Variants in FXYD6 observed in about 807,000 individuals in gnomAD.
FXYD6 encodes FXYD domain-containing ion transport regulator 6.
Under a neutral mutation model 16.7 loss-of-function variants are expected in FXYD6, and 7 were observed. That is an observed-to-expected ratio of 0.42 (90% CI 0.24 to 0.79). FXYD6 has a LOEUF of 0.79. Ranked by LOEUF, FXYD6 falls within the 30% of genes least tolerant of loss-of-function variation. FXYD6 has a pLI of 0.28. For missense variants in FXYD6, 111 were observed against 116.2 expected (o/e 0.95, Z 0.21); for synonymous variants, 49 against 43.0 (o/e 1.14, Z -0.54).
intron 1 of FXYD6, among the ~76,000 whole-genome samples, chr11:117,859,102 T>C (rs942327135): frequency 6.9e-6 from 1 of 145,506 alleles, no homozygotes; most frequent in Non-Finnish European, 1.5e-5. Context: ...CAACCCCTTC[T>C]GGGAGGCTGC....
At chr11:117,858,651 CTT>C (rs1293019621) in intron 1 of FXYD6, among the ~76,000 whole-genome samples, 1 of 70,420 alleles carries the variant, frequency 1.4e-5, no homozygotes, top group Non-Finnish European at 2.6e-5. Flanking sequence ...TTCTTTCTTT[CTT>C]TCTTTCTTTC....
Position 117,872,788 on chromosome 11 carries a change from C to A in FXYD6, c.-6+3804G>T, listed in dbSNP as rs2057168136. Among the ~76,000 whole-genome samples, 1 of 152,180 alleles carries A rather than the reference C, an allele frequency of 6.6e-6. No homozygotes were observed. Among genetic ancestry groups the A allele is most frequent in the South Asian group, 2.1e-4 (1 of 4,834 alleles). ...GCTTCATCCCTTCCCAGGTCGGGAC[C>A]TCTCCCTCCCCGGATTCTGGAGCAG... On this transcript the variant is annotated intron_variant, in intron 1 of 7. Transcript: ENST00000526014. This position sits in a 1 kb window ranked among gnomAD's most constrained non-coding sequence, Gnocchi z 4.9.
In FXYD6 at chr11:117,837,585, C is replaced by T. The variant is rs141465687; in HGVS notation, c.*714G>A. On this transcript the variant is annotated 3_prime_UTR_variant, in exon 8 of 8. Transcript: ENST00000526014. The surrounding 1 kb of genome is among the most constrained non-coding windows in gnomAD (Gnocchi z 4.4). Reference sequence around the variant, plus strand: ...AGGGGCGGGGCAGATGGGGACTCCTCGTGGAAGCCCCTGGGAAGAAATTAA... The same window carrying T: ...AGGGGCGGGGCAGATGGGGACTCCTTGTGGAAGCCCCTGGGAAGAAATTAA... 2.0e-5 allele frequency: 3 copies of T among 152,998 alleles called. No individual in the cohort carries two copies. The highest frequency in any genetic ancestry group is 4.8e-5 in the African/African-American group (2 of 41,540). 9.5% of individuals were successfully genotyped at this position (152,998 alleles called of 1,614,324 possible). A position where few individuals can be genotyped will look rare whatever the true frequency, so the allele number is the denominator to read the frequency against.
At chr11:117,846,828 C>G (rs1218392176) in intron 1 of FXYD6, among the ~76,000 whole-genome samples, 1 of 152,136 alleles carries the variant, frequency 6.6e-6, no homozygotes, top group East Asian at 1.9e-4. Flanking sequence ...TTCTCCTCTT[C>G]CCTCTCCTCC....
At chr11:117,875,439 G>A (rs2057236771) in intron 1 of FXYD6, among the ~76,000 whole-genome samples, 1 of 152,046 alleles carries the variant, frequency 6.6e-6, no homozygotes, top group Admixed American at 6.6e-5. Flanking sequence ...GAGGAGATAT[G>A]GAGGTGAGGA....
At chr11:117,876,049 G>T (rs2057256361) in intron 1 of FXYD6, among the ~76,000 whole-genome samples, 1 of 152,136 alleles carries the variant, frequency 6.6e-6, no homozygotes, top group African/African-American at 2.4e-5. Flanking sequence ...GAATCCCCGA[G>T]CGCTAGAATC....
chr11:117,857,697 A>G (rs2056766407), intron 1 of FXYD6, among the ~76,000 whole-genome samples: 1 of 152,076 alleles, frequency 6.6e-6, no homozygotes, highest in South Asian at 2.1e-4. Context: ...ATGAGCCACC[A>G]CACCCGGCCC....
intron 1 of FXYD6, among the ~76,000 whole-genome samples, chr11:117,863,646 G>C (rs1023872784): frequency 6.6e-6 from 1 of 152,136 alleles, no homozygotes; most frequent in African/African-American, 2.4e-5. Context: ...TAAGTAAAAG[G>C]CATCCAAATT....
intron 1 of FXYD6, among the ~76,000 whole-genome samples, chr11:117,860,124 G>A (rs562605020): frequency 2.0e-5 from 3 of 152,330 alleles, no homozygotes; most frequent in Admixed American, 6.5e-5. Flanking sequence ...GCCCTGCTCT[G>A]TCTGCCTGGC....
At chr11:117,846,249 G>A (rs947504085) in intron 1 of FXYD6, among the ~76,000 whole-genome samples, 6 of 152,194 alleles carry the variant, frequency 3.9e-5, no homozygotes, top group East Asian at 3.9e-4. Context: ...TTTTCATGCC[G>A]TTTGCCCGTT....
intron 1 of FXYD6, among the ~76,000 whole-genome samples, chr11:117,852,065 T>C (rs1247800867): frequency 6.6e-6 from 1 of 152,244 alleles, no homozygotes; most frequent in African/African-American, 2.4e-5. Flanking sequence ...GGGAAGCCTC[T>C]AGCAGCTGAC....
Position 117,838,505 on chromosome 11 carries a change from G to A in FXYD6, c.*22-228C>T. On this transcript the variant is annotated intron_variant, in intron 7 of 7. Coordinates refer to ENST00000526014, the MANE Select transcript of FXYD6 (RefSeq NM_022003.4). ...ATGGAAAGGAAATTGTTAAACCCAG[G>A]ACCTCCCCAGTGGTTGCTCACAGTC... 3.1e-5 allele frequency: 18 copies of A among 589,194 alleles called. No homozygotes were observed. The South Asian group carries it at 3.6e-4, about 12-fold the overall frequency. The allele number at this position is 589,194 out of a possible 1,614,324, so 36.5% of individuals were successfully genotyped here.
intron 1 of FXYD6, among the ~76,000 whole-genome samples, chr11:117,854,990 T>C (rs989091430): frequency 2.0e-5 from 3 of 152,190 alleles, no homozygotes; most frequent in African/African-American, 7.2e-5. Flanking sequence ...CCACCAGTAA[T>C]GTCTGCTTAG....
rs377481885 is a variant in FXYD6, at chr11:117,874,571, C to T, written c.-6+2021G>A. Among the ~76,000 whole-genome samples, 542 of 152,340 alleles carry T rather than the reference C, an allele frequency of 3.6e-3. 1 individual carries two copies. Among genetic ancestry groups the T allele is most frequent in the Middle Eastern group, 0.01 (3 of 294 alleles). On this transcript the variant is annotated intron_variant, in intron 1 of 7. Transcript: ENST00000526014. Reference sequence around the variant, plus strand: ...TTTCTGGTTTCCCTCCCCTTCCTGCCTCCCTGGCCTGGCCTCCTTGGCTTT... The same window carrying T: ...TTTCTGGTTTCCCTCCCCTTCCTGCTTCCCTGGCCTGGCCTCCTTGGCTTT...
chr11:117,856,759 G>A (rs182869715), intron 1 of FXYD6, among the ~76,000 whole-genome samples: 20 of 152,320 alleles, frequency 1.3e-4, no homozygotes, highest in African/African-American at 3.8e-4. Flanking sequence ...GATGGAGTTA[G>A]CATCACAGAA....
rs950738684 is a variant in FXYD6, at chr11:117,847,584, A to G, written c.-5-4803T>C. Among the ~76,000 whole-genome samples, 10 of 139,714 alleles carry G rather than the reference A, an allele frequency of 7.2e-5. No individual in the cohort carries two copies. In the Admixed American group the frequency reaches 8.2e-4, roughly 11 times the overall value. The allele number at this position is 139,714 out of a possible 152,430, so 91.7% of individuals were successfully genotyped here. On this transcript the variant is annotated intron_variant, in intron 1 of 7. Coordinates refer to ENST00000526014, the MANE Select transcript of FXYD6 (RefSeq NM_022003.4). ...TGTGTCCATGTGTTCTCATTGTTCA[A>G]TTCCCACCTATGAGTGAGAACATGC...
intron 1 of FXYD6, among the ~76,000 whole-genome samples, chr11:117,858,767 TC>T (rs374023081): frequency 0.11 from 14,201 of 131,958 alleles, 2,366 homozygotes; most frequent in Admixed American, 0.18. Context: ...CTTCCTTCCT[TC>T]CTTCCTTCCT....
chr11:117,874,067 ACTACTGG>A (rs769048243), intron 1 of FXYD6, among the ~76,000 whole-genome samples: 7 of 152,152 alleles, frequency 4.6e-5, no homozygotes, highest in Non-Finnish European at 8.8e-5. Context: ...GGCCTCAGCG[ACTACTGG>A]CCACGTGACT....
intron 1 of FXYD6, among the ~76,000 whole-genome samples, chr11:117,875,926 C>T (rs1413787318): frequency 2.0e-5 from 3 of 152,204 alleles, no homozygotes; most frequent in Non-Finnish European, 4.4e-5. Flanking sequence ...GAGGCTCTGC[C>T]AGGGCCAGCC....
Sources: gnomAD v4.1 joint callset for allele counts (sites outside exome capture counted in the v4.1 genomes callset) on GRCh38, gnomAD v4.1.1 for gene constraint, Gnocchi (gnomAD v3.1) non-coding constraint, MANE v1.5 for transcripts, NCBI Gene and HGNC (gene_info 2026-07-23, HGNC 2026-07-21) for gene names.